Variants in KIAA1958 observed in about 807,000 individuals in gnomAD.
KIAA1958 encodes uncharacterized protein KIAA1958.
A neutral mutation model predicts 47.2 loss-of-function variants in KIAA1958; 14 were observed. That is an observed-to-expected ratio of 0.30 (90% confidence interval 0.20 to 0.46). KIAA1958 has a LOEUF of 0.46. Among genes scored for constraint, KIAA1958 ranks in the 20% least tolerant of loss-of-function variants. The probability of loss-of-function intolerance (pLI) is 1.00; values close to 1 mark genes in which losing one functional copy is unlikely to be tolerated. For synonymous variants in KIAA1958, 354 were observed against 353.3 expected (o/e 1.00, Z -0.02); for missense variants, 803 against 909.2 (o/e 0.88, Z 1.50).
At chr9:112,595,900 C>T (rs1272252465) in intron 2 of KIAA1958, among the ~76,000 whole-genome samples, 1 of 151,854 alleles carries the variant, frequency 6.6e-6, no homozygotes, top group Non-Finnish European at 1.5e-5. Context: ...ATTCTCCTGC[C>T]TCAGCCTCCC....
intron 1 of KIAA1958, among the ~76,000 whole-genome samples, chr9:112,567,156 T>C (rs1196421514): frequency 6.6e-6 from 1 of 152,202 alleles, no homozygotes; most frequent in Non-Finnish European, 1.5e-5. Context: ...TATTATTTTG[T>C]GTGTATTAAT....
intron 1 of KIAA1958, among the ~76,000 whole-genome samples, chr9:112,538,706 G>T (rs1475791418): frequency 6.6e-6 from 1 of 152,180 alleles, no homozygotes; most frequent in East Asian, 1.9e-4. Context: ...TTCAGCTATT[G>T]TGAGGCATTT....
chr9:112,626,157 G>A (rs1433802110), intron 2 of KIAA1958, among the ~76,000 whole-genome samples: 1 of 152,076 alleles, frequency 6.6e-6, no homozygotes. Context: ...GGGGAAAAAT[G>A]GTAACTAAGG....
At chr9:112,532,355 G>C (rs1318265267) in intron 1 of KIAA1958, among the ~76,000 whole-genome samples, 1 of 151,998 alleles carries the variant, frequency 6.6e-6, no homozygotes, top group Non-Finnish European at 1.5e-5. Flanking sequence ...TTTCTTTTCA[G>C]TTTAACATTT....
chr9:112,629,013 TA>T (rs1180270702), intron 2 of KIAA1958, among the ~76,000 whole-genome samples: 4 of 152,206 alleles, frequency 2.6e-5, no homozygotes, highest in Non-Finnish European at 5.9e-5. Context: ...ACTTATCTAT[TA>T]AAATGAAGAA....
chr9:112,524,019 A>G lies in KIAA1958; in HGVS notation c.-25+36901A>G, dbSNP rs73545774. On this transcript the variant is annotated intron_variant, in intron 1 of 3. Transcript: ENST00000337530. ...TATGTGTGCATGCACCCCTCATCCC[A>G]TCCTATTTCCTTTTGATTTCAACTA... Among the ~76,000 whole-genome samples the G allele has an allele frequency of 6.8e-3, 1,038 of 152,186 alleles. 17 individuals carry two copies. The highest frequency in any genetic ancestry group is 0.024 in the African/African-American group (994 of 41,520).
intron 2 of KIAA1958, among the ~76,000 whole-genome samples, chr9:112,643,019 A>G (rs564497335): frequency 3.1e-4 from 47 of 152,336 alleles, no homozygotes; most frequent in African/African-American, 1.1e-3. Flanking sequence ...TAGCGGTTTA[A>G]TGTGATAATT....
chr9:112,521,198 ATGTTGTTGT>A lies in KIAA1958; in HGVS notation c.-25+34097_-25+34105del, dbSNP rs539494718. The stretch of plus-strand genomic sequence containing the variant: ...AGTTTCTTGTATTTCTAAATAGCCT[ATGTTGTTGT>A]TGTTGTTGTTGTTGTTTAAAGAGAT... On this transcript the variant is annotated intron_variant, in intron 1 of 3. Coordinates refer to ENST00000337530, the MANE Select transcript of KIAA1958 (RefSeq NM_133465.4). Among the ~76,000 whole-genome samples, 15 of 151,756 alleles carry A rather than the reference ATGTTGTTGT, an allele frequency of 9.9e-5. No individual in the cohort carries two copies. In the East Asian group the frequency reaches 1.9e-3, roughly 20 times the overall value.
chr9:112,580,005 C>T (rs1019469975), intron 2 of KIAA1958, among the ~76,000 whole-genome samples: 2 of 152,168 alleles, frequency 1.3e-5, no homozygotes, highest in African/African-American at 4.8e-5. Context: ...TACTTGACCC[C>T]TGCGTGGACC....
chr9:112,655,339 C>T (rs1333914491), intron 3 of KIAA1958, among the ~76,000 whole-genome samples: 1 of 152,086 alleles, frequency 6.6e-6, no homozygotes, highest in Admixed American at 6.5e-5. Context: ...GGTTCGATGC[C>T]TCTCTGTGTC....
At chr9:112,587,602 A>G (rs1835848547) in intron 2 of KIAA1958, among the ~76,000 whole-genome samples, 1 of 152,220 alleles carries the variant, frequency 6.6e-6, no homozygotes, top group Non-Finnish European at 1.5e-5. Context: ...CTTATTGACC[A>G]TTATGATACA....
intron 1 of KIAA1958, among the ~76,000 whole-genome samples, chr9:112,530,268 A>C (rs924084084): frequency 5.3e-5 from 8 of 152,114 alleles, no homozygotes; most frequent in African/African-American, 1.9e-4. Flanking sequence ...TATACTTTGG[A>C]TTAGAACCCA....
At chr9:112,539,421 T>A (rs1040837816) in intron 1 of KIAA1958, among the ~76,000 whole-genome samples, 7 of 152,180 alleles carry the variant, frequency 4.6e-5, no homozygotes, top group African/African-American at 1.7e-4. Context: ...AGTGAAAGAA[T>A]CAAGTTATAA....
intron 2 of KIAA1958, among the ~76,000 whole-genome samples, chr9:112,621,002 A>C (rs1809052457): frequency 6.6e-6 from 1 of 152,172 alleles, no homozygotes; most frequent in Non-Finnish European, 1.5e-5. Context: ...TGGTCAGGTC[A>C]AGATAAGTCA....
intron 2 of KIAA1958, among the ~76,000 whole-genome samples, chr9:112,603,094 T>G (rs1021044167): frequency 6.6e-6 from 1 of 152,170 alleles, no homozygotes; most frequent in South Asian, 2.1e-4. Context: ...TGGGGAGAGA[T>G]AGACACAAAA....
intron 1 of KIAA1958, among the ~76,000 whole-genome samples, chr9:112,530,349 T>G (rs1025368637): frequency 1.3e-5 from 2 of 152,218 alleles, no homozygotes; most frequent in Non-Finnish European, 2.9e-5. Context: ...CTGTGTCCCT[T>G]TGTTGTGCTC....
chr9:112,610,434 G>C (rs1836306618), intron 2 of KIAA1958, among the ~76,000 whole-genome samples: 1 of 152,004 alleles, frequency 6.6e-6, no homozygotes, highest in African/African-American at 2.4e-5. Flanking sequence ...AAGTAAACTG[G>C]TAGATAACCA....
At chr9:112,496,927 C>T (rs762985532) in intron 1 of KIAA1958, among the ~76,000 whole-genome samples, 12 of 152,136 alleles carry the variant, frequency 7.9e-5, no homozygotes, top group Non-Finnish European at 1.6e-4. Context: ...GGCATTTTAG[C>T]CCTGCCTACT....
At chr9:112,518,168 C>T (rs1477880932) in intron 1 of KIAA1958, among the ~76,000 whole-genome samples, 1 of 151,908 alleles carries the variant, frequency 6.6e-6, no homozygotes. Context: ...CAGTGAGAGA[C>T]CTTGACTCTT....
Sources: gnomAD v4.1 joint callset for allele counts (sites outside exome capture counted in the v4.1 genomes callset) on GRCh38, gnomAD v4.1.1 for gene constraint, MANE v1.5 for transcripts, NCBI Gene and HGNC (gene_info 2026-07-23, HGNC 2026-07-21) for gene names.